KCNT1: variants seen among roughly 807,000 people sequenced by gnomAD.
The protein encoded by KCNT1 is potassium sodium-activated channel subfamily T member 1, also known as potassium channel subfamily T member 1.
A neutral mutation model predicts 147.8 loss-of-function variants in KCNT1; 78 were observed. That is an observed-to-expected ratio of 0.53 (90% CI 0.44 to 0.64). KCNT1 has a LOEUF of 0.64. KCNT1 is among the 30% of genes least tolerant of loss of function. The probability of loss-of-function intolerance (pLI) is 0.00; values close to 1 mark genes in which losing one functional copy is unlikely to be tolerated. For synonymous variants in KCNT1, 867 were observed against 748.8 expected (o/e 1.16, Z -2.58); for missense variants, 1,419 against 1,750.3 (o/e 0.81, Z 3.38).
chr9:135,731,983 TATATATATAGAGAGAGAGAG>T (rs1289935051), intron 2 of KCNT1, among the ~76,000 whole-genome samples: 16 of 24,904 alleles, frequency 6.4e-4, no homozygotes, highest in African/African-American at 1.1e-3. Context: ...TATATATATA[TATATATATAGAGAGAGAGAG>T]AGAGAGAGAG....
intron 2 of KCNT1, among the ~76,000 whole-genome samples, chr9:135,739,439 C>T (rs868179387): frequency 1.3e-5 from 2 of 151,484 alleles, no homozygotes; most frequent in African/African-American, 4.9e-5. Context: ...GTCCCCTGAG[C>T]CCCCCGACCC....
intron 24 of KCNT1, among the ~76,000 whole-genome samples, chr9:135,780,315 G>A (rs1052356747): frequency 5.3e-5 from 8 of 152,208 alleles, no homozygotes; most frequent in African/African-American, 1.4e-4. Flanking sequence ...CCTCATCGGC[G>A]AGCTGCTGGG....
At chr9:135,769,608 G>A (rs990364421) in intron 15 of KCNT1, among the ~76,000 whole-genome samples, 2 of 152,190 alleles carry the variant, frequency 1.3e-5, no homozygotes, top group African/African-American at 4.8e-5. Context: ...CGGGTGCCCG[G>A]GGAACGGGGG....
chr9:135,775,475 AC>A (rs1833099487), intron 20 of KCNT1, 60 bp downstream of exon 20: 2 of 1,249,690 alleles, frequency 1.6e-6, no homozygotes, highest in Non-Finnish European at 2.3e-6. Flanking sequence ...GGCCGTGCAT[AC>A]CTGCCCTGGT....
chr9:135,772,650 C>G (rs1380091263), intron 18 of KCNT1, 65 bp from the exon 19 acceptor site: 6 of 1,253,708 alleles, frequency 4.8e-6, no homozygotes, highest in Non-Finnish European at 6.3e-6. Context: ...CACCTGAGCT[C>G]TGGGAACTCG....
At chr9:135,712,640 T>C (rs553176330) in intron 1 of KCNT1, among the ~76,000 whole-genome samples, 1 of 152,142 alleles carries the variant, frequency 6.6e-6, no homozygotes, top group Non-Finnish European at 1.5e-5. Context: ...GGGGAGCAGC[T>C]GTTTTGCTGC....
chr9:135,772,508 C>T (rs1207969458), intron 18 of KCNT1, among the ~76,000 whole-genome samples: 1 of 152,174 alleles, frequency 6.6e-6, no homozygotes, highest in African/African-American at 2.4e-5. Flanking sequence ...CCTGGGTCTT[C>T]GCTCAACATC....
chr9:135,791,737 T>C, intron 29 of KCNT1, 60 bp from the exon 30 acceptor site: 2 of 1,463,926 alleles, frequency 1.4e-6, no homozygotes, highest in Non-Finnish European at 1.9e-6. Context: ...TCTGGGCCCC[T>C]GCAGAGCTGG....
intron 3 of KCNT1, chr9:135,750,540 TC>T: frequency 9.3e-6 from 1 of 108,096 alleles, no homozygotes; most frequent in South Asian, 7.4e-5. Flanking sequence ...AGCCCCACCC[TC>T]CCCAACAGCT....
At chr9:135,732,325 A>G (rs1227620769) in intron 2 of KCNT1, among the ~76,000 whole-genome samples, 1 of 152,080 alleles carries the variant, frequency 6.6e-6, no homozygotes, top group Non-Finnish European at 1.5e-5. Flanking sequence ...GGCTTCAAAT[A>G]TATTTTAAAT....
In KCNT1 at chr9:135,786,348, T is replaced by C; in HGVS notation, c.3329T>C (p.Leu1110Pro). 6.3e-7 allele frequency: 1 copy of C among 1,587,944 alleles called. No individual in the cohort carries two copies. ...CACCCACTGCTACGGCGCAAGAGCC[T>C]GCAGTGGGCCCGGAGGCTGAGCCGC... ...AEHPLLRRKS[L>P]QWARRLSRKA... Residue 1110 changes from leucine to proline, a missense_variant, in exon 29 of 31, where the codon CTG (leucine) becomes CCG (proline). Around this residue, in one of 5 missense-constraint regions of KCNT1, gnomAD observed 306 missense variants for 294.2 expected, o/e 1.04. Coordinates refer to ENST00000371757, the MANE Select transcript of KCNT1 (RefSeq NM_020822.3).
intron 2 of KCNT1, among the ~76,000 whole-genome samples, chr9:135,737,251 A>T (rs1830382244): frequency 6.6e-6 from 1 of 152,088 alleles, no homozygotes; most frequent in South Asian, 2.1e-4. Context: ...GCTGTGGGGT[A>T]TGCTTGGGCT....
chr9:135,791,910 A>AC lies in KCNT1; in HGVS notation c.3587+36dup, dbSNP rs11430171. On this transcript the variant is annotated intron_variant, in intron 30 of 30. Coordinates refer to ENST00000371757, the MANE Select transcript of KCNT1 (RefSeq NM_020822.3). ...AGTAGCACCTGTGGGCTGTGTGGAG[A>AC]CCCCCCCTGAGCACCAGGTGGGCAC... is the stretch of plus-strand genomic sequence containing the variant. 9.2e-3 allele frequency: 14,833 copies of AC among 1,610,272 alleles called. 582 individuals carry two copies. The African/African-American group carries it at 0.12, about 13-fold the overall frequency.
intron 2 of KCNT1, among the ~76,000 whole-genome samples, chr9:135,716,059 C>A (rs1048084816): frequency 6.6e-6 from 1 of 152,222 alleles, no homozygotes. Flanking sequence ...AGGCTGGTCC[C>A]AGGGCGGCGT....
At chr9:135,757,121 C>A in intron 7 of KCNT1, 35 bp from the exon 8 acceptor site, 1 of 1,421,086 alleles carries the variant, frequency 7.0e-7, no homozygotes, top group Non-Finnish European at 9.9e-7. Context: ...CCCCACCCTC[C>A]ATCGCCCCCG....
chr9:135,778,954 C>T (rs529653162), intron 23 of KCNT1, 132 bp downstream of exon 23: 9 of 1,055,210 alleles, frequency 8.5e-6, no homozygotes, highest in Admixed American at 7.8e-5. Flanking sequence ...CACGGGCCCT[C>T]GCCCTGAGAC....
Position 135,765,197 on chromosome 9 carries a change from T to G in KCNT1, c.1200+2T>G. ...TTCTACGCCCACCCCCGGCTCCAGG[T>G]GAGGCCCCTTACCGTGGCCCAGCAG... On this transcript the variant is annotated splice_donor_variant, in intron 12 of 30. Transcript: ENST00000371757. LOFTEE classifies it high-confidence loss of function. 6.2e-7 allele frequency: 1 copy of G among 1,609,800 alleles called. No individual in the cohort carries two copies. The highest frequency in any genetic ancestry group is 8.5e-7 in the Non-Finnish European group (1 of 1,177,082).
At position 135,770,937 on chromosome 9, in the gene KCNT1, C is replaced by T. The variant is rs1228305658; in HGVS notation, c.1850C>T (p.Ala617Val). 3 of 1,613,020 alleles carry T rather than the reference C, an allele frequency of 1.9e-6. No homozygotes were observed. The highest frequency in any genetic ancestry group is 2.5e-6 in the Non-Finnish European group (3 of 1,179,514). Reference protein sequence around the residue: ...LLNPGPRHILAASDTCFYINI... With the variant: ...LLNPGPRHILVASDTCFYINI... Reference sequence around the variant, plus strand: ...AACCCGGGGCCCCGGCACATCCTGGCCGCCTCTGACACCTGCTTCTACATC... The same window carrying T: ...AACCCGGGGCCCCGGCACATCCTGGTCGCCTCTGACACCTGCTTCTACATC... The change falls in exon 18 of 31, where the codon GCC becomes GTC. Residue 617 changes from alanine (A) to valine (V), a missense_variant. Physicochemically the swap from Ala to Val is moderately conservative, Grantham distance 64. Transcript: ENST00000371757.
At chr9:135,768,348 G>GGC in intron 13 of KCNT1, 1 of 205,306 alleles carries the variant, frequency 4.9e-6, no homozygotes, top group Non-Finnish European at 9.1e-6. Context: ...GTGGGTTGGG[G>GGC]GGGGGGGGGG....
Sources: gnomAD v4.1 joint callset for allele counts (sites outside exome capture counted in the v4.1 genomes callset) on GRCh38, gnomAD v4.1.1 for gene constraint, gnomAD v4.1.1 regional missense constraint, MANE v1.5 for transcripts, NCBI Gene and HGNC (gene_info 2026-07-23, HGNC 2026-07-21) for gene names.